Variants in NUP93 observed in about 807,000 individuals in gnomAD.
NUP93 encodes nucleoporin 93, also known as nuclear pore complex protein Nup93.
NUP93 carries 55 observed loss-of-function variants against 107.8 expected under a neutral mutation model. The ratio of observed to expected loss-of-function variants is 0.51; its 90% CI spans 0.41 to 0.64. NUP93 has a LOEUF of 0.64. Among genes scored for constraint, NUP93 ranks in the 30% least tolerant of loss-of-function variants. The probability of loss-of-function intolerance (pLI) is 0.00; values close to 1 mark genes in which losing one functional copy is unlikely to be tolerated. For synonymous variants in NUP93, 390 were observed against 397.5 expected, an observed-to-expected ratio of 0.98 and a Z score of 0.22; for missense variants, 937 against 1,044.7, an observed-to-expected ratio of 0.90 and a Z score of 1.42.
intron 21 of NUP93, among the ~76,000 whole-genome samples, chr16:56,843,727 C>T (rs1480533308): frequency 6.6e-6 from 1 of 152,220 alleles, no homozygotes; most frequent in Non-Finnish European, 1.5e-5. Context: ...GTTTGTTTTA[C>T]ACATCAGGTA....
intron 3 of NUP93, chr16:56,783,942 GACT>G: frequency 1.1e-6 from 1 of 940,052 alleles, no homozygotes; most frequent in Non-Finnish European, 1.3e-6. Flanking sequence ...ATGCAAAATA[GACT>G]TTTAAATGAA....
chr16:56,782,104 A>G, intron 3 of NUP93: 1 of 985,310 alleles, frequency 1.0e-6, no homozygotes, highest in Middle Eastern at 5.2e-4. Flanking sequence ...GGGGTGGGAA[A>G]AACTTGAGCA....
chr16:56,839,876 G>A (rs1596864960), intron 20 of NUP93: 1 of 427,348 alleles, frequency 2.3e-6, no homozygotes, highest in Non-Finnish European at 4.3e-6. Flanking sequence ...TGGTTGATCT[G>A]TGAAGTCTGG....
At chr16:56,803,238 C>T (rs141236648) in intron 4 of NUP93, among the ~76,000 whole-genome samples, 6,412 of 152,196 alleles carry the variant, frequency 0.042, 198 homozygotes, top group East Asian at 0.076. Context: ...GCGGTCGGAT[C>T]ACTTGAGGTC....
chr16:56,805,435 G>C, intron 4 of NUP93, 69 bp from the exon 5 acceptor site: 1 of 1,577,118 alleles, frequency 6.3e-7, no homozygotes, highest in Non-Finnish European at 8.7e-7. Context: ...TTAGGTTTCT[G>C]TTGGGTCTTA....
At chr16:56,741,634 TAATC>T (rs1211305250) in intron 1 of NUP93, 4 of 152,094 alleles carry the variant, frequency 2.6e-5, no homozygotes, top group African/African-American at 9.7e-5. Flanking sequence ...TTATTTAAAA[TAATC>T]AAAAAAGGAA....
rs76562031 is a variant in NUP93 at position 56,744,701 on chromosome 16, G to A, written c.-14-3533G>A. On this transcript the variant is annotated intron_variant, in intron 1 of 21. Transcript: ENST00000308159. The stretch of plus-strand genomic sequence containing the variant: ...TCTGTTTCTTTTGGTTTGTAATTCC[G>A]TTCACCTGGTTTTTGGTCTTGGTAT... 9.2e-5 allele frequency among the ~76,000 whole-genome samples: 14 copies of A among 152,166 alleles called. No individual in the cohort carries two copies. In the East Asian group the frequency reaches 9.6e-4, roughly 10 times the overall value.
At position 56,839,541 on chromosome 16, in the gene NUP93, G is replaced by T. The variant is rs1345363721; in HGVS notation, c.2157G>T (p.Leu719=). The part of the protein sequence containing the change: ...RAFDIIERLK[L]VPLNQESVEE... ...AACAGATCATTGAGCGCTTGAAGCT[G>T]GTGCCCCTGAATCAGGAAAGTGTGG... is the stretch of plus-strand genomic sequence containing the variant. Residue 719 remains leucine, a synonymous_variant, in exon 20 of 22, where the codon CTG becomes CTT. Coordinates refer to ENST00000308159, the MANE Select transcript of NUP93 (RefSeq NM_014669.5). 1 of 1,613,002 alleles carries T rather than the reference G, an allele frequency of 6.2e-7. No homozygotes were observed.
At chr16:56,796,078 G>A (rs531591281) in intron 3 of NUP93, among the ~76,000 whole-genome samples, 3 of 152,258 alleles carry the variant, frequency 2.0e-5, no homozygotes, top group East Asian at 3.9e-4. Context: ...AAGGAATCTG[G>A]GAAATCTATA....
intron 3 of NUP93, among the ~76,000 whole-genome samples, chr16:56,759,195 G>A (rs1733564085): frequency 6.6e-6 from 1 of 152,212 alleles, no homozygotes; most frequent in South Asian, 2.1e-4. Context: ...ACAAGCAATT[G>A]ATAGCTGTTT....
chr16:56,831,967 G>A lies in NUP93; in HGVS notation c.1211G>A (p.Ser404Asn), dbSNP rs150950239. Residue 404 changes from serine to asparagine, a missense_variant, in exon 11 of 22, where the codon AGT (serine) becomes AAT (asparagine). Coordinates refer to ENST00000308159, the MANE Select transcript of NUP93 (RefSeq NM_014669.5). ...AGATGTGACGTCACCGACAACCAGA[G>A]TGAAGTGGCGGACAAAACTGAGGAT... is the stretch of plus-strand genomic sequence containing the variant. Reference protein sequence around the residue: ...IGRCDVTDNQSEVADKTEDYL... With the variant: ...IGRCDVTDNQNEVADKTEDYL... The A allele has an allele frequency of 7.9e-5, 128 of 1,614,126 alleles. 1 individual carries two copies. The African/African-American group carries it at 1.4e-3, about 18-fold the overall frequency.
In NUP93 at chr16:56,847,602, A is replaced by C. The variant is rs2066130952; in HGVS notation, c.*2993A>C. On this transcript the variant is annotated 3_prime_UTR_variant, in exon 22 of 22. Transcript: ENST00000308159. The stretch of plus-strand genomic sequence containing the variant: ...ATCTGGATCCTTTTCAGAGGCCTGG[A>C]GATTTAATTTCACAGATTCTCTTCT... 6.6e-6 allele frequency: 1 copy of C among 152,226 alleles called. No individual in the cohort carries two copies. The highest frequency in any genetic ancestry group is 2.1e-4 in the South Asian group (1 of 4,826). 9.4% of individuals were successfully genotyped at this position (152,226 alleles called of 1,614,324 possible).
chr16:56,806,509 A>G (rs1186919946), intron 5 of NUP93, among the ~76,000 whole-genome samples: 1 of 152,156 alleles, frequency 6.6e-6, no homozygotes, highest in South Asian at 2.1e-4. Context: ...GTCTCTAAGC[A>G]CAATCAGGGT....
chr16:56,774,262 T>C (rs1962372563), intron 3 of NUP93, among the ~76,000 whole-genome samples: 1 of 152,202 alleles, frequency 6.6e-6, no homozygotes, highest in Non-Finnish European at 1.5e-5. Flanking sequence ...GCCTTAAATC[T>C]GGTCTCTCAG....
rs74866677 is a variant in NUP93, at chr16:56,796,690, A to G, written c.298-1786A>G. On this transcript the variant is annotated intron_variant, in intron 3 of 21. Coordinates refer to ENST00000308159, the MANE Select transcript of NUP93 (RefSeq NM_014669.5). ...TTTCCCACAGTTTCTTTAAAAAGCAAAAACACAGCTGGGTACGGTGGTTCA... is the reference window on the plus strand; with the variant it reads ...TTTCCCACAGTTTCTTTAAAAAGCAGAAACACAGCTGGGTACGGTGGTTCA... Among the ~76,000 whole-genome samples, 7 of 152,326 alleles carry G rather than the reference A, an allele frequency of 4.6e-5. No homozygotes were observed. The East Asian group carries it at 1.4e-3, about 29-fold the overall frequency.
intron 21 of NUP93, chr16:56,842,754 T>C: frequency 2.8e-6 from 1 of 361,994 alleles, no homozygotes; most frequent in Non-Finnish European, 5.5e-6. Context: ...AATTTTACCA[T>C]GTTGCCCAGA....
In NUP93 at chr16:56,821,584, C is replaced by G. The variant is rs2118017; in HGVS notation, c.645C>G (p.Leu215=). The G allele has an allele frequency of 0.82, 1,316,608 of 1,609,468 alleles. 539,824 individuals are homozygous for G. Among genetic ancestry groups the G allele is most frequent in the East Asian group, 0.93 (41,794 of 44,864 alleles). ...LVDLCASVAE[L]DDKSISDMWT... The stretch of plus-strand genomic sequence containing the variant: ...ACCTTTGTGCTTCCGTCGCAGAGCT[C>G]GATGATAAGGTAGCACCTAGAGCTA... Residue 215 remains leucine, a synonymous_variant, in exon 7 of 22, where the codon CTC becomes CTG. Coordinates refer to ENST00000308159, the MANE Select transcript of NUP93 (RefSeq NM_014669.5).
intron 5 of NUP93, 64 bp from the exon 6 acceptor site, chr16:56,818,600 A>T (rs1197650065): frequency 1.6e-5 from 20 of 1,272,660 alleles, no homozygotes; most frequent in Non-Finnish European, 1.6e-5. Flanking sequence ...TTATGATGTG[A>T]TTTGATTTCT....
At chr16:56,731,943 G>C (rs1446081401) in intron 1 of NUP93, among the ~76,000 whole-genome samples, 1 of 151,554 alleles carries the variant, frequency 6.6e-6, no homozygotes, top group African/African-American at 2.4e-5. Context: ...AATAATGATA[G>C]ACAAACCCCT....
Sources: gnomAD v4.1 joint callset for allele counts (sites outside exome capture counted in the v4.1 genomes callset) on GRCh38, gnomAD v4.1.1 for gene constraint, MANE v1.5 for transcripts, NCBI Gene and HGNC (gene_info 2026-07-23, HGNC 2026-07-21) for gene names.